The following CATSPERE variants were observed in gnomAD, a reference collection of about 807,000 sequenced individuals.
The protein encoded by CATSPERE is catsper channel auxiliary subunit epsilon, also known as cation channel sperm-associated auxiliary subunit epsilon.
Under a neutral mutation model 114.1 loss-of-function variants are expected in CATSPERE, and 93 were observed. The observed-to-expected ratio is 0.81, with a 90% CI of 0.69 to 0.97. The LOEUF is 0.97. Among genes scored for constraint, CATSPERE ranks in the 50% least tolerant of loss-of-function variants. The probability of loss-of-function intolerance (pLI) is 0.00; values close to 1 mark genes in which losing one functional copy is unlikely to be tolerated. For synonymous variants in CATSPERE, 341 were observed against 384.1 expected, an observed-to-expected ratio of 0.89 and a Z score of 1.31; for missense variants, 1,058 against 1,131.6, an observed-to-expected ratio of 0.93 and a Z score of 0.93.
At chr1:244,613,429 A>G (rs1386386105) in intron 19 of CATSPERE, among the ~76,000 whole-genome samples, 3 of 152,220 alleles carry the variant, frequency 2.0e-5, no homozygotes, top group Admixed American at 1.3e-4. Context: ...AAACAACGTC[A>G]GAGTTTATCG....
chr1:244,456,574 T>G (rs1666184503), upstream of CATSPERE, among the ~76,000 whole-genome samples: 1 of 152,304 alleles, frequency 6.6e-6, no homozygotes, highest in Middle Eastern at 3.4e-3. Flanking sequence ...AGATTTTTGG[T>G]AAAATAAAAT....
At chr1:244,579,399 C>A (rs1381547961) in intron 11 of CATSPERE, among the ~76,000 whole-genome samples, 1 of 152,144 alleles carries the variant, frequency 6.6e-6, no homozygotes, top group Middle Eastern at 3.4e-3. Context: ...TTTATGGTAG[C>A]AAATGATAAA....
chr1:244,598,595 G>A, intron 17 of CATSPERE: 1 of 352,810 alleles, frequency 2.8e-6, no homozygotes, highest in South Asian at 2.4e-5. Flanking sequence ...CATGGAGATT[G>A]GGCCCAGTCT....
At chr1:244,494,165 C>A (rs376284543) in intron 6 of CATSPERE, among the ~76,000 whole-genome samples, 1 of 151,864 alleles carries the variant, frequency 6.6e-6, no homozygotes, top group African/African-American at 2.4e-5. Context: ...ATGTTTATTG[C>A]GGCACTATTC....
chr1:244,496,223 A>G (rs1215297653), intron 6 of CATSPERE, among the ~76,000 whole-genome samples: 4 of 152,254 alleles, frequency 2.6e-5, no homozygotes, highest in Non-Finnish European at 5.9e-5. Context: ...CTCCTGCTTT[A>G]AAAAGAAATC....
At chr1:244,630,715 C>G (rs1673827301) in intron 20 of CATSPERE, among the ~76,000 whole-genome samples, 1 of 152,132 alleles carries the variant, frequency 6.6e-6, no homozygotes, top group Admixed American at 6.6e-5. Context: ...GTTTCTGTCA[C>G]TGATGTAGTT....
chr1:244,488,129 C>G (rs1182294453), intron 5 of CATSPERE, among the ~76,000 whole-genome samples: 1 of 152,182 alleles, frequency 6.6e-6, no homozygotes, highest in Non-Finnish European at 1.5e-5. Flanking sequence ...CTAGTCTTCC[C>G]AAGTTCACTG....
At chr1:244,526,085 G>A (rs575377304) in intron 8 of CATSPERE, among the ~76,000 whole-genome samples, 22 of 152,296 alleles carry the variant, frequency 1.4e-4, no homozygotes, top group Non-Finnish European at 1.6e-4. Flanking sequence ...GGTAGCCAAC[G>A]TAGCAAAGAG....
intron 14 of CATSPERE, among the ~76,000 whole-genome samples, chr1:244,591,472 T>C (rs1667716826): frequency 6.6e-6 from 1 of 152,196 alleles, no homozygotes; most frequent in Non-Finnish European, 1.5e-5. Context: ...ATCAGTAGAT[T>C]TCAAATTCTG....
chr1:244,535,885 A>G (rs1208610138), intron 8 of CATSPERE, among the ~76,000 whole-genome samples: 3 of 151,972 alleles, frequency 2.0e-5, no homozygotes, highest in Admixed American at 2.0e-4. Flanking sequence ...TGGGTCACAC[A>G]TGAAGCTGGC....
chr1:244,553,614 C>CACACACACACACACACACATATATACAT (rs1558484755), intron 9 of CATSPERE, among the ~76,000 whole-genome samples: 17 of 132,664 alleles, frequency 1.3e-4, no homozygotes, highest in African/African-American at 5.5e-4. Flanking sequence ...CACACACACA[C>CACACACACACACACACACATATATACAT]ACACACACAC....
chr1:244,485,773 C>T (rs773049434), intron 5 of CATSPERE, among the ~76,000 whole-genome samples: 5 of 150,728 alleles, frequency 3.3e-5, no homozygotes, highest in East Asian at 1.9e-4. Flanking sequence ...TCGTAGCTCA[C>T]GTAACCTCAA....
intron 7 of CATSPERE, among the ~76,000 whole-genome samples, chr1:244,517,096 G>A (rs1676764250): frequency 6.6e-6 from 1 of 151,976 alleles, no homozygotes. Flanking sequence ...ACCTGTACTT[G>A]GTAAATCTGA....
chr1:244,579,210 G>A (rs989457945), intron 11 of CATSPERE, among the ~76,000 whole-genome samples: 2 of 152,158 alleles, frequency 1.3e-5, no homozygotes, highest in African/African-American at 2.4e-5. Context: ...AATCGGAGGT[G>A]GCTGTGAAAT....
chr1:244,514,581 G>A (rs2148343689), intron 7 of CATSPERE, among the ~76,000 whole-genome samples: 1 of 152,270 alleles, frequency 6.6e-6, no homozygotes, highest in East Asian at 1.9e-4. Context: ...TGTAATCCCA[G>A]CACTTTGGGA....
chr1:244,458,209 G>A (rs1666330513), upstream of CATSPERE, among the ~76,000 whole-genome samples: 1 of 152,048 alleles, frequency 6.6e-6, no homozygotes, highest in Non-Finnish European at 1.5e-5. Context: ...AATAGAAGAG[G>A]GAATGGCGTT....
At chr1:244,638,853 G>T (rs6700086) in intron 21 of CATSPERE, among the ~76,000 whole-genome samples, 96,989 of 151,568 alleles carry the variant, frequency 0.64, 31,670 homozygotes, top group South Asian at 0.76. Context: ...TTCTCTCCAT[G>T]TCTTCGGCCA....
upstream of CATSPERE, among the ~76,000 whole-genome samples, chr1:244,456,562 A>T (rs962406577): frequency 6.6e-6 from 1 of 152,240 alleles, no homozygotes; most frequent in East Asian, 1.9e-4. Flanking sequence ...AGACAGTTTT[A>T]AAGATTTTTG....
At chr1:244,531,869 C>G (rs1679660016) in intron 8 of CATSPERE, among the ~76,000 whole-genome samples, 1 of 152,124 alleles carries the variant, frequency 6.6e-6, no homozygotes, top group African/African-American at 2.4e-5. Context: ...GTATTCCCAC[C>G]TCTTCTATTT....
Sources: gnomAD v4.1 joint callset for allele counts (sites outside exome capture counted in the v4.1 genomes callset) on GRCh38, gnomAD v4.1.1 for gene constraint, MANE v1.5 for transcripts, NCBI Gene and HGNC (gene_info 2026-07-23, HGNC 2026-07-21) for gene names.